Variants in BNC2 observed in about 807,000 individuals in gnomAD.
The protein encoded by BNC2 is zinc finger protein basonuclin-2.
BNC2 carries 20 observed loss-of-function variants against 76.3 expected under a neutral mutation model. The observed-to-expected ratio is 0.26, with a 90% confidence interval of 0.18 to 0.38. BNC2 has a LOEUF of 0.38. Among genes scored for constraint, BNC2 ranks in the 10% least tolerant of loss-of-function variants. BNC2 has a pLI of 1.00. For missense variants in BNC2, 1,382 were observed against 1,399.8 expected, an observed-to-expected ratio of 0.99 and a Z score of 0.20; for synonymous variants, 582 against 514.8, an observed-to-expected ratio of 1.13 and a Z score of -1.77.
At chr9:16,841,798 C>A (rs916635571) in intron 1 of BNC2, among the ~76,000 whole-genome samples, 7 of 142,754 alleles carry the variant, frequency 4.9e-5, no homozygotes, top group African/African-American at 1.8e-4. Context: ...GTCTGCAAGA[C>A]ATTATTATCA....
intron 3 of BNC2, among the ~76,000 whole-genome samples, chr9:16,602,202 C>T (rs1313865168): frequency 6.6e-6 from 1 of 152,080 alleles, no homozygotes; most frequent in Non-Finnish European, 1.5e-5. Flanking sequence ...TTCTGAAAGA[C>T]TAATATGCCC....
chr9:16,777,970 A>G (rs1826016142), intron 1 of BNC2, among the ~76,000 whole-genome samples: 1 of 152,182 alleles, frequency 6.6e-6, no homozygotes, highest in Admixed American at 6.5e-5. Flanking sequence ...AACACATACT[A>G]TTATCTAACT....
chr9:16,578,044 T>TAA lies in BNC2; in HGVS notation c.433+4938_433+4939insTT, dbSNP rs1259653137. On this transcript the variant is annotated intron_variant, in intron 4 of 6. Coordinates refer to ENST00000380672, the MANE Select transcript of BNC2 (RefSeq NM_017637.6). ...GAAACAGTGGAATTAAAAAAAAATT[T>TAA]TTTTTTGTTTTTTTCCAAAAAAGAG... Among the ~76,000 whole-genome samples the TAA allele has an allele frequency of 2.6e-5, 4 of 151,286 alleles. No homozygotes were observed. The East Asian group carries it at 8.1e-4, about 31-fold the overall frequency.
chr9:16,436,564 G>T lies in BNC2; in HGVS notation c.1630C>A (p.Pro544Thr). The T allele has an allele frequency of 6.2e-7, 1 of 1,614,096 alleles. No individual in the cohort carries two copies. The highest frequency in any genetic ancestry group is 2.2e-5 in the East Asian group (1 of 44,862). ...PGRPPMGFTT[P>T]PLDPVLQNPL... ...TTTTGCAAGACAGGGTCTAGAGGGG[G>T]AGTGGTAAAACCCATTGGGGGTCGG... The change falls in exon 6 of 7, where the codon CCC becomes ACC. Residue 544 changes from proline to threonine, a missense_variant. Coordinates refer to ENST00000380672, the MANE Select transcript of BNC2 (RefSeq NM_017637.6).
intron 3 of BNC2, among the ~76,000 whole-genome samples, chr9:16,692,416 CG>C (rs1462643035): frequency 6.6e-6 from 1 of 152,144 alleles, no homozygotes; most frequent in African/African-American, 2.4e-5. Context: ...TGCTCAGTTA[CG>C]TATCTCCGAG....
In BNC2 at chr9:16,764,836, T is replaced by A. The variant is rs1272959361; in HGVS notation, c.4-26351A>T. On this transcript the variant is annotated intron_variant, in intron 1 of 6. Transcript: ENST00000380672. ...GATAAACTGAATTTGTTCTTCACAATAAGCTTATGGTCAATGAAAGAACTC... is the reference window on the plus strand; with the variant it reads ...GATAAACTGAATTTGTTCTTCACAAAAAGCTTATGGTCAATGAAAGAACTC... Among the ~76,000 whole-genome samples the A allele has an allele frequency of 6.7e-5, 10 of 150,246 alleles. No homozygotes were observed. In the East Asian group the frequency reaches 2.0e-3, roughly 30 times the overall value.
At chr9:16,625,664 T>C (rs1820974084) in intron 3 of BNC2, 1 of 152,174 alleles carries the variant, frequency 6.6e-6, no homozygotes, top group African/African-American at 2.4e-5. Flanking sequence ...TTCTGAGGCA[T>C]CACTAACTCT....
At chr9:16,723,047 G>C (rs1824208874) in intron 3 of BNC2, among the ~76,000 whole-genome samples, 2 of 151,910 alleles carry the variant, frequency 1.3e-5, no homozygotes, top group Non-Finnish European at 2.9e-5. Flanking sequence ...AAATTAAGAG[G>C]GGCCTAAATT....
intron 5 of BNC2, among the ~76,000 whole-genome samples, chr9:16,498,032 TATATATATTCCATC>T (rs1229024723): frequency 4.0e-4 from 59 of 147,710 alleles, no homozygotes; most frequent in South Asian, 2.8e-3. Flanking sequence ...TATTCCACCA[TATATATATTCCATC>T]ATATATATTC....
At chr9:16,611,233 G>A (rs1015149861) in intron 3 of BNC2, among the ~76,000 whole-genome samples, 4 of 152,124 alleles carry the variant, frequency 2.6e-5, no homozygotes, top group African/African-American at 7.2e-5. Flanking sequence ...GCTATCAATC[G>A]TCCTGCCAGA....
chr9:16,682,868 TA>T (rs1822866279), intron 3 of BNC2, among the ~76,000 whole-genome samples: 1 of 152,196 alleles, frequency 6.6e-6, no homozygotes. Context: ...ACTAACAAAG[TA>T]ACTTTTCTCT....
chr9:16,557,167 C>G (rs1480525102), intron 4 of BNC2, among the ~76,000 whole-genome samples: 2 of 152,008 alleles, frequency 1.3e-5, no homozygotes, highest in Non-Finnish European at 2.9e-5. Flanking sequence ...ATGGGCCTAA[C>G]CATCTGCTGA....
intron 4 of BNC2, among the ~76,000 whole-genome samples, chr9:16,562,783 G>A (rs1330311273): frequency 6.6e-6 from 1 of 152,048 alleles, no homozygotes; most frequent in African/African-American, 2.4e-5. Context: ...TAAATTGTGT[G>A]ATACACATGG....
chr9:16,595,732 G>GT (rs1820048236), intron 3 of BNC2, among the ~76,000 whole-genome samples: 3 of 151,972 alleles, frequency 2.0e-5, no homozygotes, highest in African/African-American at 7.2e-5. Flanking sequence ...AGATTAGATG[G>GT]TTTTTAAAAA....
At chr9:16,542,948 T>A (rs1028654855) in intron 5 of BNC2, among the ~76,000 whole-genome samples, 22 of 152,316 alleles carry the variant, frequency 1.4e-4, no homozygotes, top group Admixed American at 1.4e-3. Context: ...AGACTAAGAC[T>A]CAGCCTTGAG....
rs2118997312 is a variant in BNC2 at position 16,417,486 on chromosome 9, A to C, written c.*1503T>G. ...CCCTTCTTCTGGCTTTTCAGAAAGG[A>C]GTGTTGCTCCATTCAAGTTTAGCAC... On this transcript the variant is annotated 3_prime_UTR_variant, in exon 7 of 7. Coordinates refer to ENST00000380672, the MANE Select transcript of BNC2 (RefSeq NM_017637.6). 6.6e-6 allele frequency: 1 copy of C among 152,316 alleles called. No individual in the cohort carries two copies. Among genetic ancestry groups the C allele is most frequent in the Non-Finnish European group, 1.5e-5 (1 of 68,032 alleles). The allele number at this position is 152,316 out of a possible 1,614,324, so 9.4% of individuals were successfully genotyped here.
chr9:16,786,739 C>G (rs1463188687), intron 1 of BNC2, among the ~76,000 whole-genome samples: 1 of 152,124 alleles, frequency 6.6e-6, no homozygotes, highest in East Asian at 1.9e-4. Flanking sequence ...TGGGAACCCA[C>G]AGGATGACTG....
At chr9:16,610,005 C>A (rs1820500414) in intron 3 of BNC2, among the ~76,000 whole-genome samples, 1 of 152,086 alleles carries the variant, frequency 6.6e-6, no homozygotes, top group Non-Finnish European at 1.5e-5. Context: ...TCACTTATGT[C>A]CCTTAATACC....
chr9:16,603,219 G>A (rs991954823), intron 3 of BNC2, among the ~76,000 whole-genome samples: 3 of 152,198 alleles, frequency 2.0e-5, no homozygotes, highest in African/African-American at 7.2e-5. Context: ...CACACTAGCA[G>A]ATAAGTCAGG....
Sources: gnomAD v4.1 joint callset for allele counts (sites outside exome capture counted in the v4.1 genomes callset) on GRCh38, gnomAD v4.1.1 for gene constraint, MANE v1.5 for transcripts, NCBI Gene and HGNC (gene_info 2026-07-23, HGNC 2026-07-21) for gene names.